Variants in MED12L observed in about 807,000 individuals in gnomAD.
MED12L encodes the protein mediator of RNA polymerase II transcription subunit 12-like protein.
In MED12L, 60 loss-of-function variants were observed where a neutral mutation model predicts 281.3. The observed-to-expected ratio is 0.21, with a 90% CI of 0.17 to 0.26. The LOEUF is 0.26. Ranked by LOEUF, MED12L falls within the 10% of genes least tolerant of loss-of-function variation. The pLI is 1.00. For synonymous variants in MED12L, 974 were observed against 987.2 expected (o/e 0.99, Z 0.25); for missense variants, 2,146 against 2,680.9 (o/e 0.80, Z 4.41).
intron 20 of MED12L, 120 bp from the exon 21 acceptor site, chr3:151,360,354 T>C: frequency 1.2e-6 from 1 of 857,426 alleles, no homozygotes; most frequent in South Asian, 1.9e-5. Context: ...TTTATTAGTT[T>C]CAACAATCCA....
intron 27 of MED12L, among the ~76,000 whole-genome samples, chr3:151,374,864 C>T (rs1226610368): frequency 6.6e-6 from 1 of 152,088 alleles, no homozygotes; most frequent in Non-Finnish European, 1.5e-5. Context: ...ATCCCTCTTA[C>T]CAGATGATCC....
At chr3:151,360,968 A>G (rs1577437754) in intron 21 of MED12L, among the ~76,000 whole-genome samples, 1 of 152,150 alleles carries the variant, frequency 6.6e-6, no homozygotes, top group African/African-American at 2.4e-5. Flanking sequence ...ATTATTTGAT[A>G]TATCTTTCCA....
intron 16 of MED12L, among the ~76,000 whole-genome samples, chr3:151,305,302 G>A (rs889499766): frequency 4.6e-5 from 7 of 152,232 alleles, no homozygotes; most frequent in African/African-American, 1.7e-4. Context: ...GATGTTTGTG[G>A]TAGGCCTAGG....
intron 24 of MED12L, 94 bp from the exon 25 acceptor site, chr3:151,368,052 TTAAA>T: frequency 6.8e-6 from 7 of 1,023,180 alleles, no homozygotes; most frequent in Middle Eastern, 2.2e-4. Flanking sequence ...GAAAATTTAT[TTAAA>T]TAATTATTCC....
At chr3:151,218,155 AT>A (rs887120134) in intron 16 of MED12L, among the ~76,000 whole-genome samples, 7 of 152,212 alleles carry the variant, frequency 4.6e-5, no homozygotes, top group African/African-American at 1.4e-4. Flanking sequence ...TCTCATGCTG[AT>A]TTTATACAAA....
At chr3:151,173,714 A>G (rs779253863) in intron 11 of MED12L, among the ~76,000 whole-genome samples, 11 of 152,232 alleles carry the variant, frequency 7.2e-5, no homozygotes, top group Admixed American at 4.6e-4. Context: ...GAGTGGCTTC[A>G]GATCTCCCTT....
intron 16 of MED12L, among the ~76,000 whole-genome samples, chr3:151,237,956 G>A (rs1271975390): frequency 2.0e-5 from 3 of 151,942 alleles, no homozygotes; most frequent in African/African-American, 7.3e-5. Context: ...TTTGTTTGGT[G>A]TCTCTACTAT....
At chr3:151,204,253 T>G (rs1296061201) in intron 16 of MED12L, among the ~76,000 whole-genome samples, 1 of 152,194 alleles carries the variant, frequency 6.6e-6, no homozygotes, top group Non-Finnish European at 1.5e-5. Flanking sequence ...AGAAGATACC[T>G]TTCCAGGATC....
chr3:151,300,069 G>A (rs750018386), intron 16 of MED12L: 51 of 1,594,478 alleles, frequency 3.2e-5, no homozygotes, highest in Non-Finnish European at 2.4e-5. Flanking sequence ...CGGCTTACTT[G>A]GTAATTTTGC....
chr3:151,281,329 G>C (rs777522006), intron 16 of MED12L, among the ~76,000 whole-genome samples: 1 of 149,888 alleles, frequency 6.7e-6, no homozygotes, highest in Non-Finnish European at 1.5e-5. Flanking sequence ...AGAATCACTC[G>C]AACCCGGGAG....
chr3:151,119,083 A>G (rs1184378130), intron 3 of MED12L, among the ~76,000 whole-genome samples: 1 of 152,228 alleles, frequency 6.6e-6, no homozygotes, highest in South Asian at 2.1e-4. Context: ...TCATATGAAT[A>G]ATAATTCATG....
intron 16 of MED12L, among the ~76,000 whole-genome samples, chr3:151,224,423 C>T (rs1394061246): frequency 6.6e-6 from 1 of 150,724 alleles, no homozygotes; most frequent in East Asian, 1.9e-4. Flanking sequence ...CTGCTTTAAT[C>T]TCTCATGCCT....
At position 151,367,565 on chromosome 3, in the gene MED12L, C is replaced by G. The variant is rs1206303117; in HGVS notation, c.3328-81C>G. ...GGGATTTGAGATCTTATTGGTATTG[C>G]CTGCATTCTCTTAGTTATTAATCTT... On this transcript the variant is annotated intron_variant, in intron 23 of 44. Coordinates refer to ENST00000687756, the MANE Select transcript of MED12L (RefSeq NM_001393769.1). 6.4e-5 allele frequency: 83 copies of G among 1,301,802 alleles called. 2 individuals are homozygous for G. The South Asian group carries it at 1.2e-3, about 19-fold the overall frequency. The allele number at this position is 1,301,802 out of a possible 1,614,324, so 80.6% of individuals were successfully genotyped here. A position where few individuals can be genotyped will look rare whatever the true frequency, so the allele number is the denominator to read the frequency against.
chr3:151,353,820 CTT>C (rs1753549319), intron 17 of MED12L, among the ~76,000 whole-genome samples: 1 of 152,158 alleles, frequency 6.6e-6, no homozygotes, highest in Non-Finnish European at 1.5e-5. Context: ...GAGTAGAACT[CTT>C]GTCTTGGTAG....
intron 2 of MED12L, among the ~76,000 whole-genome samples, chr3:151,102,058 TC>T (rs1481269272): frequency 6.6e-6 from 1 of 152,158 alleles, no homozygotes; most frequent in East Asian, 1.9e-4. Context: ...GCATTTGAAT[TC>T]CTTGGGTGCT....
chr3:151,248,506 A>G (rs796550441), intron 16 of MED12L, among the ~76,000 whole-genome samples: 6 of 152,278 alleles, frequency 3.9e-5, no homozygotes, highest in African/African-American at 1.2e-4. Flanking sequence ...TATATATATC[A>G]TAACCCAGCT....
At chr3:151,376,365 AT>A in intron 28 of MED12L, 151 bp downstream of exon 28, 1 of 611,392 alleles carries the variant, frequency 1.6e-6, no homozygotes, top group Non-Finnish European at 2.6e-6. Flanking sequence ...GACATACTTT[AT>A]TTTTGGGTGG....
chr3:151,096,363 G>A (rs1276125072), intron 2 of MED12L, among the ~76,000 whole-genome samples: 2 of 152,118 alleles, frequency 1.3e-5, no homozygotes, highest in Non-Finnish European at 2.9e-5. Context: ...ATAATCATGA[G>A]GGCCACTCCC....
chr3:151,356,231 C>G (rs866493078), intron 19 of MED12L, among the ~76,000 whole-genome samples, 192 bp downstream of exon 19: 17 of 152,022 alleles, frequency 1.1e-4, no homozygotes, highest in South Asian at 1.0e-3. Context: ...GAGACCCCAT[C>G]TCCACAAAAA....
Sources: gnomAD v4.1 joint callset for allele counts (sites outside exome capture counted in the v4.1 genomes callset) on GRCh38, gnomAD v4.1.1 for gene constraint, MANE v1.5 for transcripts, NCBI Gene and HGNC (gene_info 2026-07-23, HGNC 2026-07-21) for gene names.